PDE4A: variants seen among roughly 807,000 people sequenced by gnomAD.
The protein encoded by PDE4A is phosphodiesterase 4A, also known as 3',5'-cyclic-AMP phosphodiesterase 4A.
PDE4A carries 21 observed loss-of-function variants against 73.9 expected under a neutral mutation model. The observed-to-expected ratio is 0.28, with a 90% CI of 0.20 to 0.41. The LOEUF is 0.41. PDE4A is among the 10% of genes least tolerant of loss of function. The pLI, the probability that PDE4A is intolerant of heterozygous loss-of-function variation, is 1.00. For synonymous variants in PDE4A, 463 were observed against 505.4 expected (o/e 0.92, Z 1.13); for missense variants, 958 against 1,211.4 (o/e 0.79, Z 3.10).
upstream of PDE4A, chr19:10,417,579 C>A (rs894186690): frequency 2.7e-6 from 4 of 1,487,170 alleles, no homozygotes; most frequent in African/African-American, 5.6e-5. Flanking sequence ...CCTTAGACAG[C>A]TAGGTAGGGG....
At chr19:10,452,880 G>T in intron 6 of PDE4A, 1 of 269,488 alleles carries the variant, frequency 3.7e-6, no homozygotes, top group Non-Finnish European at 5.4e-6. Flanking sequence ...CCCACCCCCA[G>T]CACCACCTGA....
At chr19:10,449,366 TTTG>T (rs1255970367) in intron 4 of PDE4A, among the ~76,000 whole-genome samples, 1 of 150,536 alleles carries the variant, frequency 6.6e-6, no homozygotes, top group African/African-American at 2.5e-5. Flanking sequence ...TTTTTGTTTG[TTTG>T]TTTGTTTTGA....
intron 11 of PDE4A, 114 bp from the exon 12 acceptor site, chr19:10,461,412 G>A: frequency 6.5e-7 from 1 of 1,538,354 alleles, no homozygotes; most frequent in South Asian, 1.2e-5. Flanking sequence ...TGACTGGGCT[G>A]GAGGCGAGGC....
In PDE4A at chr19:10,468,545, C is replaced by T. The variant is rs1333512031; in HGVS notation, c.*924C>T. The T allele has an allele frequency of 7.1e-6, 1 of 141,424 alleles. No homozygotes were observed. The highest frequency in any genetic ancestry group is 2.4e-4 in the South Asian group (1 of 4,238). 8.8% of individuals were successfully genotyped at this position (141,424 alleles called of 1,614,324 possible). A position where few individuals can be genotyped will look rare whatever the true frequency, so the allele number is the denominator to read the frequency against. ...CTTGTTTCTGCCTTAATAATTCCCA[C>T]GGCCACAGGCAAGGGGGTTGCAGTG... On this transcript the variant is annotated 3_prime_UTR_variant, in exon 15 of 15. Coordinates refer to ENST00000380702, the MANE Select transcript of PDE4A (RefSeq NM_001111307.2).
chr19:10,421,298 AG>A (rs1421815844), intron 1 of PDE4A: 2 of 984,942 alleles, frequency 2.0e-6, no homozygotes, highest in African/African-American at 3.5e-5. Flanking sequence ...GGGTCCATTT[AG>A]GGGGCGCCAC....
intron 1 of PDE4A, among the ~76,000 whole-genome samples, chr19:10,429,857 G>A (rs575707184): frequency 3.3e-4 from 50 of 152,252 alleles, no homozygotes; most frequent in Admixed American, 1.2e-3. Context: ...TGAGTCTGAA[G>A]GCATTCCCGA....
intron 7 of PDE4A, among the ~76,000 whole-genome samples, chr19:10,455,628 C>T (rs1158659478): frequency 2.0e-5 from 3 of 151,390 alleles, no homozygotes; most frequent in East Asian, 1.9e-4. Flanking sequence ...AGTGAGACTC[C>T]GTCTCAAAAC....
At position 10,467,483 on chromosome 19, in the gene PDE4A, C is replaced by G. The variant is rs1214462478; in HGVS notation, c.2523C>G (p.Ser841=). The change falls in exon 15 of 15, where the codon TCC becomes TCG. Residue 841 remains serine, a synonymous_variant. Coordinates refer to ENST00000380702, the MANE Select transcript of PDE4A (RefSeq NM_001111307.2). ...EHAPGLPGLP[S]TAAEVEAQRE... ...CCCCGGGCCTCCCGGGCCTCCCCTC[C>G]ACGGCGGCCGAGGTGGAGGCCCAAC... 6.2e-7 allele frequency: 1 copy of G among 1,613,088 alleles called. No individual in the cohort carries two copies. Among genetic ancestry groups the G allele is most frequent in the Admixed American group, 1.7e-5 (1 of 60,024 alleles).
chr19:10,461,188 AGGGGCTGGCTGGCCTGGGGGC>A (rs1394786155), intron 11 of PDE4A, 85 bp downstream of exon 11: 17 of 1,146,792 alleles, frequency 1.5e-5, no homozygotes, highest in Admixed American at 9.9e-5. Flanking sequence ...AGGCTGGAGG[AGGGGCTGGCTGGCCTGGGGGC>A]GGGGCTGGCT....
chr19:10,458,879 A>C lies in PDE4A; in HGVS notation c.1102-521A>C, dbSNP rs77084884. On this transcript the variant is annotated intron_variant, in intron 8 of 14. Coordinates refer to ENST00000380702, the MANE Select transcript of PDE4A (RefSeq NM_001111307.2). This position sits in a 1 kb window ranked among gnomAD's most constrained non-coding sequence, Gnocchi z 4.6. ...AGTGATCCACCCGCCTTAGCCTCAC[A>C]AAGTGCTGGGATTGCAGGCGTGAGC... 1,793 of 156,410 alleles carry C rather than the reference A, an allele frequency of 0.011. 35 individuals carry two copies. Among genetic ancestry groups the C allele is most frequent in the African/African-American group, 0.04 (1,681 of 41,622 alleles). The allele number at this position is 156,410 out of a possible 1,614,324, so 9.7% of individuals were successfully genotyped here. A position where few individuals can be genotyped will look rare whatever the true frequency, so the allele number is the denominator to read the frequency against.
rs1471202678 is a variant in PDE4A at position 10,449,102 on chromosome 19, T to C, written c.572T>C (p.Val191Ala). The C allele has an allele frequency of 6.2e-7, 1 of 1,613,656 alleles. No homozygotes were observed. The highest frequency in any genetic ancestry group is 2.2e-5 in the East Asian group (1 of 44,876). The change falls in exon 4 of 15, where the codon GTC becomes GCC. Residue 191 changes from valine (V) to alanine (A), a missense_variant. By Grantham distance (64) the Val-to-Ala change is moderately conservative (BLOSUM62 0). Coordinates refer to ENST00000380702, the MANE Select transcript of PDE4A (RefSeq NM_001111307.2). ...CAGGTGCTGGCCAGCCTCCGGAGCG[T>C]CCGTAGCAACTTCTCACTCCTGACC... ...FAQVLASLRSVRSNFSLLTNV... is the reference protein window; with the variant it reads ...FAQVLASLRSARSNFSLLTNV...
chr19:10,444,283 G>C (rs2042974844), intron 1 of PDE4A, among the ~76,000 whole-genome samples: 1 of 152,022 alleles, frequency 6.6e-6, no homozygotes, highest in Non-Finnish European at 1.5e-5. Flanking sequence ...GGGAGCCTGA[G>C]GCAGGTGGAT....
chr19:10,452,992 C>T (rs945323889), intron 6 of PDE4A: 505 of 1,280,822 alleles, frequency 3.9e-4, no homozygotes, highest in Non-Finnish European at 4.7e-4. Context: ...GCCCTGCCCC[C>T]CTCCCATGGG....
At chr19:10,459,794 T>C in intron 10 of PDE4A, 35 bp downstream of exon 10, 1 of 1,568,950 alleles carries the variant, frequency 6.4e-7, no homozygotes, top group Non-Finnish European at 8.7e-7. Flanking sequence ...CGTCCCCATC[T>C]CTCTTTGTGA....
Position 10,466,444 on chromosome 19 carries a change from C to CAAAA in PDE4A, c.1927-428_1927-425dup, listed in dbSNP as rs367836712. Among the ~76,000 whole-genome samples, 83 of 63,460 alleles carry CAAAA rather than the reference C, an allele frequency of 1.3e-3. 1 individual carries two copies. Among genetic ancestry groups the CAAAA allele is most frequent in the Non-Finnish European group, 1.6e-3 (55 of 33,908 alleles). The allele number at this position is 63,460 out of a possible 152,430, so 41.6% of individuals were successfully genotyped here. A position where few individuals can be genotyped will look rare whatever the true frequency, so the allele number is the denominator to read the frequency against. On this transcript the variant is annotated intron_variant, in intron 14 of 14. Coordinates refer to ENST00000380702, the MANE Select transcript of PDE4A (RefSeq NM_001111307.2). ...TGGGTGACAGAGCAAGACTCCGTCT[C>CAAAA]AAAAAAAAAAAAAAAAAAGTGTGTG... is the stretch of plus-strand genomic sequence containing the variant.
chr19:10,457,597 C>T (rs2043192144), intron 7 of PDE4A, among the ~76,000 whole-genome samples: 1 of 152,048 alleles, frequency 6.6e-6, no homozygotes, highest in Non-Finnish European at 1.5e-5. Flanking sequence ...CCTGGCATCC[C>T]CACCTCGCTT....
upstream of PDE4A, chr19:10,420,456 G>C (rs2042633575): frequency 1.1e-6 from 1 of 880,892 alleles, no homozygotes; most frequent in Non-Finnish European, 1.4e-6. This position sits in a 1 kb window ranked among gnomAD's most constrained non-coding sequence, Gnocchi z 6.0. Flanking sequence ...GCGGCGGGCG[G>C]GGGGCGGGGA....
At chr19:10,448,721 C>T (rs1437579960) in intron 2 of PDE4A, 196 bp from the exon 3 acceptor site, 2 of 675,698 alleles carry the variant, frequency 3.0e-6, no homozygotes, top group Non-Finnish European at 3.7e-6. Flanking sequence ...ACCTGAGCCA[C>T]ACTCCTTGAC....
At chr19:10,445,870 C>T (rs1599428752) in intron 1 of PDE4A, among the ~76,000 whole-genome samples, 1 of 136,278 alleles carries the variant, frequency 7.3e-6, no homozygotes, top group African/African-American at 2.7e-5. Context: ...CATTGTCTTG[C>T]TCTGTCACCC....
Sources: allele counts gnomAD v4.1 joint callset (sites outside exome capture counted in the v4.1 genomes callset), GRCh38; gene constraint gnomAD v4.1.1; non-coding constraint Gnocchi (gnomAD v3.1); transcripts MANE v1.5; gene names NCBI Gene and HGNC (gene_info 2026-07-23, HGNC 2026-07-21).